Variants in NPSR1 observed in about 807,000 individuals in gnomAD.
NPSR1 encodes the protein neuropeptide S receptor 1.
A neutral mutation model predicts 46.9 loss-of-function variants in NPSR1; 48 were observed. The observed-to-expected ratio is 1.02, with a 90% CI of 0.81 to 1.30. The LOEUF (loss-of-function observed/expected upper bound fraction) is 1.30. Among genes scored for constraint, NPSR1 ranks in the 50% most tolerant of loss-of-function variants. The pLI, the probability that NPSR1 is intolerant of heterozygous loss-of-function variation, is 0.00. For synonymous variants in NPSR1, 176 were observed against 168.1 expected, an observed-to-expected ratio of 1.05 and a Z score of -0.36; for missense variants, 450 against 449.5, an observed-to-expected ratio of 1.00 and a Z score of -0.01.
chr7:34,769,706 T>C (rs1786587452), intron 2 of NPSR1, among the ~76,000 whole-genome samples: 1 of 152,246 alleles, frequency 6.6e-6, no homozygotes, highest in Non-Finnish European at 1.5e-5. Flanking sequence ...TCTTGACTTC[T>C]TCCTTGTCCA....
At chr7:34,748,185 C>T (rs1396640831) in intron 2 of NPSR1, among the ~76,000 whole-genome samples, 21 of 152,170 alleles carry the variant, frequency 1.4e-4, no homozygotes, top group African/African-American at 4.6e-4. Context: ...AATATAAAAC[C>T]ATCAGGATCA....
At chr7:34,873,507 C>T (rs544526132) in intron 8 of NPSR1, among the ~76,000 whole-genome samples, 7 of 151,842 alleles carry the variant, frequency 4.6e-5, no homozygotes, top group Admixed American at 2.6e-4. Context: ...TCTGGGGAGG[C>T]CTCAGGGAGC....
intron 3 of NPSR1, among the ~76,000 whole-genome samples, chr7:34,810,049 G>A (rs1490507973): frequency 6.6e-6 from 1 of 152,166 alleles, no homozygotes; most frequent in Non-Finnish European, 1.5e-5. Flanking sequence ...TTAGTGCTGA[G>A]ATGCATTTGT....
At chr7:34,661,273 A>G (rs1034841310) in intron 1 of NPSR1, among the ~76,000 whole-genome samples, 1 of 151,850 alleles carries the variant, frequency 6.6e-6, no homozygotes, top group African/African-American at 2.4e-5. Context: ...TCCCTATTCC[A>G]TTTCTAAGCC....
chr7:34,820,412 A>G (rs544759776), intron 4 of NPSR1, among the ~76,000 whole-genome samples: 1 of 152,166 alleles, frequency 6.6e-6, no homozygotes, highest in Non-Finnish European at 1.5e-5. Flanking sequence ...TTTTCTGGGC[A>G]CTGTAAAGCC....
At chr7:34,867,709 T>A (rs529935239) in intron 8 of NPSR1, among the ~76,000 whole-genome samples, 3 of 152,044 alleles carry the variant, frequency 2.0e-5, no homozygotes, top group East Asian at 1.9e-4. Flanking sequence ...ATAGAACTAT[T>A]GCTTCCTTAA....
chr7:34,809,434 T>C (rs1414943873), intron 3 of NPSR1, among the ~76,000 whole-genome samples: 1 of 151,710 alleles, frequency 6.6e-6, no homozygotes, highest in Non-Finnish European at 1.5e-5. Context: ...GGGGGTTTGT[T>C]GTACAGATTA....
At position 34,858,783 on chromosome 7, in the gene NPSR1, C is replaced by A. The variant is rs574110842; in HGVS notation, c.1025+10120C>A. ...TATCACAAGAACAGCACAGGAAAGA[C>A]CTGTCCCCATGATTCAGTCATCTCC... On this transcript the variant is annotated intron_variant, in intron 8 of 8. Transcript: ENST00000359791. Among the ~76,000 whole-genome samples, 142 of 151,850 alleles carry A rather than the reference C, an allele frequency of 9.4e-4. 2 individuals carry two copies. Among genetic ancestry groups the A allele is most frequent in the Admixed American group, 4.2e-3 (64 of 15,272 alleles).
chr7:34,836,281 T>C (rs1434440484), intron 6 of NPSR1, among the ~76,000 whole-genome samples: 5 of 151,954 alleles, frequency 3.3e-5, no homozygotes, highest in Admixed American at 2.0e-4. Context: ...AAAAAAAAAA[T>C]TGGATGAAGA....
intron 4 of NPSR1, among the ~76,000 whole-genome samples, chr7:34,824,487 G>A (rs1334031767): frequency 6.6e-6 from 1 of 152,176 alleles, no homozygotes; most frequent in Admixed American, 6.5e-5. Flanking sequence ...AAGGCCATCA[G>A]TCTCCCTGCT....
intron 2 of NPSR1, among the ~76,000 whole-genome samples, chr7:34,740,657 C>T (rs1357556933): frequency 1.3e-5 from 2 of 152,172 alleles, no homozygotes; most frequent in Non-Finnish European, 2.9e-5. Flanking sequence ...ATTCTCCTGT[C>T]ATCTAGACCT....
intron 2 of NPSR1, among the ~76,000 whole-genome samples, chr7:34,716,710 C>T (rs1177485499): frequency 2.0e-5 from 3 of 152,118 alleles, no homozygotes; most frequent in Non-Finnish European, 4.4e-5. Context: ...TATCCCCTCA[C>T]AATCCTTTAT....
intron 3 of NPSR1, among the ~76,000 whole-genome samples, chr7:34,791,061 T>C (rs1397301406): frequency 8.4e-6 from 1 of 119,486 alleles, no homozygotes; most frequent in Non-Finnish European, 1.6e-5. Context: ...TTATATGTTA[T>C]ATATTATATT....
At chr7:34,749,349 A>T (rs966196225) in intron 2 of NPSR1, among the ~76,000 whole-genome samples, 5 of 152,146 alleles carry the variant, frequency 3.3e-5, no homozygotes, top group Admixed American at 2.6e-4. Flanking sequence ...TAAATCTTTC[A>T]AGGATAAAGG....
chr7:34,758,297 T>C (rs1785982403), intron 2 of NPSR1: 1 of 152,204 alleles, frequency 6.6e-6, no homozygotes, highest in African/African-American at 2.4e-5. Flanking sequence ...GTGAAGTTCA[T>C]GGTGTTTCAT....
intron 1 of NPSR1, among the ~76,000 whole-genome samples, chr7:34,682,023 G>A (rs1400911675): frequency 6.6e-6 from 1 of 152,156 alleles, no homozygotes; most frequent in Non-Finnish European, 1.5e-5. Context: ...GGCAAACCAG[G>A]TTACATAATT....
intron 3 of NPSR1, among the ~76,000 whole-genome samples, chr7:34,801,638 A>T (rs983129893): frequency 1.4e-5 from 2 of 145,320 alleles, no homozygotes; most frequent in African/African-American, 2.8e-5. Flanking sequence ...AACTGGAAGC[A>T]TTCCCTTTGA....
intron 2 of NPSR1, 43 bp downstream of exon 2, chr7:34,684,727 G>T (rs745817985): frequency 6.6e-7 from 1 of 1,522,392 alleles, no homozygotes; most frequent in South Asian, 1.3e-5. Flanking sequence ...TATATGTGAA[G>T]TCCCTATGGC....
At chr7:34,736,668 A>G (rs996914132) in intron 2 of NPSR1, among the ~76,000 whole-genome samples, 3 of 152,062 alleles carry the variant, frequency 2.0e-5, no homozygotes, top group African/African-American at 7.2e-5. Flanking sequence ...TGGTGCCATC[A>G]TAGCTCACTG....
Sources: allele counts gnomAD v4.1 joint callset (sites outside exome capture counted in the v4.1 genomes callset), GRCh38; gene constraint gnomAD v4.1.1; transcripts MANE v1.5; gene names NCBI Gene and HGNC (gene_info 2026-07-23, HGNC 2026-07-21).